The following PCDH11X variants were observed in gnomAD, a reference collection of about 807,000 sequenced individuals.
The protein encoded by PCDH11X is protocadherin 11 X-linked.
In PCDH11X, 18 loss-of-function variants were observed where a neutral mutation model predicts 53.3. The ratio of observed to expected loss-of-function variants is 0.34; its 90% CI spans 0.23 to 0.50. The LOEUF is 0.50. Ranked by LOEUF, PCDH11X falls within the 20% of genes least tolerant of loss-of-function variation. The pLI, the probability that PCDH11X is intolerant of heterozygous loss-of-function variation, is 0.98. For missense variants in PCDH11X, 570 were observed against 1,032.4 expected, an observed-to-expected ratio of 0.55 and a Z score of 6.14; for synonymous variants, 279 against 393.3, an observed-to-expected ratio of 0.71 and a Z score of 3.44.
rs769905747 is a variant in PCDH11X at position 92,230,915 on chromosome X, G to A, written c.3114+29460G>A. 2.2e-3 allele frequency among the ~76,000 whole-genome samples: 245 copies of A among 110,620 alleles called. 1 individual carries two copies. The highest frequency in any genetic ancestry group is 7.8e-3 in the African/African-American group (237 of 30,510). On this transcript the variant is annotated intron_variant, in intron 7 of 10. Transcript: ENST00000682573. ...AGAAAACGGCAGTGCAGACAGGACT[G>A]GAAGAACATTAGTCACTGTTTCAGG... is the stretch of plus-strand genomic sequence containing the variant.
At chrX:92,059,531 G>A (rs1055036766) in intron 6 of PCDH11X, among the ~76,000 whole-genome samples, 1 of 111,047 alleles carries the variant, frequency 9.0e-6, no homozygotes, top group African/African-American at 3.3e-5. Flanking sequence ...TGTGCAGAGT[G>A]TAGATATGAA....
intron 9 of PCDH11X, among the ~76,000 whole-genome samples, chrX:92,418,250 G>C (rs1317628613): frequency 2.7e-5 from 3 of 109,356 alleles, no homozygotes; most frequent in African/African-American, 9.9e-5. Flanking sequence ...AGACATAACT[G>C]TCAAATAAAG....
chrX:92,217,796 G>C (rs779751164), intron 7 of PCDH11X, among the ~76,000 whole-genome samples: 8 of 111,301 alleles, frequency 7.2e-5, no homozygotes, highest in Non-Finnish European at 5.6e-5. Flanking sequence ...TGACCACATA[G>C]TTGGAAGTAA....
At chrX:92,605,764 A>G (rs1288846489) in intron 10 of PCDH11X, among the ~76,000 whole-genome samples, 1 of 111,940 alleles carries the variant, frequency 8.9e-6, no homozygotes, top group African/African-American at 3.2e-5. Context: ...AAATTTAACA[A>G]AAGTCCTTCT....
intron 9 of PCDH11X, among the ~76,000 whole-genome samples, chrX:92,440,456 T>C (rs2072489051): frequency 9.1e-6 from 1 of 109,311 alleles, no homozygotes; most frequent in Admixed American, 9.9e-5. Flanking sequence ...CGAATACCCA[T>C]GCATTGTGGG....
chrX:91,893,355 T>TG (rs1940593716), intron 6 of PCDH11X, among the ~76,000 whole-genome samples: 1 of 106,630 alleles, frequency 9.4e-6, no homozygotes, highest in Non-Finnish European at 1.9e-5. Flanking sequence ...GCATTTTTTT[T>TG]TTTTTTTTTT....
At chrX:92,617,792 T>C (rs1928146336) in intron 10 of PCDH11X, among the ~76,000 whole-genome samples, 4 of 111,016 alleles carry the variant, frequency 3.6e-5, no homozygotes, top group Non-Finnish European at 1.9e-5. Context: ...AACTAAGGCA[T>C]ATCTTAGAGT....
At position 92,411,246 on chromosome X, in the gene PCDH11X, G is replaced by T. The variant is rs201348736; in HGVS notation, c.3343+23313G>T. On this transcript the variant is annotated intron_variant, in intron 9 of 10. Coordinates refer to ENST00000682573, the MANE Select transcript of PCDH11X (RefSeq NM_032968.5). Reference sequence around the variant, plus strand: ...ATTTCCCCTTAGGTTGAATAAATTGGCTAACCTATGTTATTGTACTTTTAA... The same window carrying T: ...ATTTCCCCTTAGGTTGAATAAATTGTCTAACCTATGTTATTGTACTTTTAA... Among the ~76,000 whole-genome samples, 4 of 110,608 alleles carry T rather than the reference G, an allele frequency of 3.6e-5. No homozygotes were observed. In the East Asian group the frequency reaches 1.1e-3, roughly 32 times the overall value.
intron 10 of PCDH11X, among the ~76,000 whole-genome samples, chrX:92,520,899 C>G (rs1342657179): frequency 1.8e-5 from 2 of 111,746 alleles, no homozygotes; most frequent in African/African-American, 3.3e-5. Flanking sequence ...TAAGAAGCAA[C>G]TCCTCATCTG....
intron 5 of PCDH11X, among the ~76,000 whole-genome samples, chrX:91,862,622 A>T: frequency 1.3e-5 from 1 of 78,684 alleles, no homozygotes; most frequent in African/African-American, 4.7e-5. Context: ...TCTAATCTTT[A>T]TTATTTATTT....
Position 92,548,798 on chromosome X carries a change from G to C in PCDH11X, c.3368-69466G>C, listed in dbSNP as rs778536495. 3.6e-5 allele frequency among the ~76,000 whole-genome samples: 4 copies of C among 109,941 alleles called. No homozygotes were observed. The East Asian group carries it at 1.1e-3, about 31-fold the overall frequency. On this transcript the variant is annotated intron_variant, in intron 10 of 10. Coordinates refer to ENST00000682573, the MANE Select transcript of PCDH11X (RefSeq NM_032968.5). ...ACACTTGTTTTTCAGTGATATGTTC[G>C]ATCCATCATTAGAGAATATTGCAAG...
intron 6 of PCDH11X, among the ~76,000 whole-genome samples, chrX:92,200,883 CTTTATTTTATTTTATTTTATTTTAT>C (rs72033591): frequency 1.2e-4 from 11 of 91,866 alleles, no homozygotes; most frequent in Middle Eastern, 0.011. Context: ...TATTTTTTAT[CTTTATTTTATTTTATTTTATTTTAT>C]TTTATTTTAT....
intron 10 of PCDH11X, among the ~76,000 whole-genome samples, chrX:92,521,105 C>T (rs758109373): frequency 1.8e-5 from 2 of 111,187 alleles, no homozygotes; most frequent in South Asian, 3.8e-4. Flanking sequence ...ACCTCCCTCC[C>T]ATGAATCATG....
chrX:92,577,336 G>C (rs1295356107), intron 10 of PCDH11X, among the ~76,000 whole-genome samples: 1 of 108,897 alleles, frequency 9.2e-6, no homozygotes, highest in African/African-American at 3.3e-5. Flanking sequence ...TGTGCATAGA[G>C]GTGTTTATAG....
rs1164035231 is a variant in PCDH11X, at chrX:92,622,518, A to C, written c.*3578A>C. ...ACTCTTCTGATTTATATTTTTTATT[A>C]TAATTATTATTTCTTATCTTTCTTC... On this transcript the variant is annotated 3_prime_UTR_variant, in exon 11 of 11. Transcript: ENST00000682573. The C allele has an allele frequency of 9.1e-6, 1 of 110,362 alleles. No individual in the cohort carries two copies. Among genetic ancestry groups the C allele is most frequent in the Non-Finnish European group, 1.9e-5 (1 of 52,729 alleles). 9.1% of individuals were successfully genotyped at this position (110,362 alleles called of 1,213,427 possible).
chrX:92,300,772 C>G (rs1030680342), intron 8 of PCDH11X, among the ~76,000 whole-genome samples: 7 of 112,025 alleles, frequency 6.2e-5, no homozygotes, highest in African/African-American at 1.9e-4. Flanking sequence ...CCACTGTGCC[C>G]AGCGAGGAAT....
intron 6 of PCDH11X, among the ~76,000 whole-genome samples, chrX:91,909,490 A>T (rs1941303254): frequency 1.8e-5 from 2 of 108,883 alleles, no homozygotes; most frequent in South Asian, 8.1e-4. Flanking sequence ...TGTTGAAAGG[A>T]TTCTCTTAAA....
chrX:92,039,563 G>T (rs2063179347), intron 6 of PCDH11X, among the ~76,000 whole-genome samples: 1 of 110,850 alleles, frequency 9.0e-6, no homozygotes, highest in Non-Finnish European at 1.9e-5. Context: ...GGGCTGCTCA[G>T]TCAGCTTGTG....
At chrX:92,351,643 C>A (rs982484259) in intron 8 of PCDH11X, among the ~76,000 whole-genome samples, 2 of 111,524 alleles carry the variant, frequency 1.8e-5, no homozygotes, top group African/African-American at 6.5e-5. Context: ...TTAAACACTG[C>A]ATGTTTATTT....
Sources: allele counts gnomAD v4.1 joint callset (sites outside exome capture counted in the v4.1 genomes callset), GRCh38; gene constraint gnomAD v4.1.1; transcripts MANE v1.5; gene names NCBI Gene and HGNC (gene_info 2026-07-23, HGNC 2026-07-21).